Variants in SULT1E1 observed in about 807,000 individuals in gnomAD.
SULT1E1 encodes sulfotransferase family 1E member 1.
Under a neutral mutation model 33.6 loss-of-function variants are expected in SULT1E1, and 36 were observed. The observed-to-expected ratio is 1.07, with a 90% CI of 0.82 to 1.41. The LOEUF (loss-of-function observed/expected upper bound fraction) is 1.41, where lower values mean the gene tolerates loss of function less well. Among genes scored for constraint, SULT1E1 ranks in the 40% most tolerant of loss-of-function variants. The probability of loss-of-function intolerance (pLI) is 0.00; values close to 1 mark genes in which losing one functional copy is unlikely to be tolerated. For missense variants in SULT1E1, 371 were observed against 345.7 expected, an observed-to-expected ratio of 1.07 and a Z score of -0.58; for synonymous variants, 121 against 111.7, an observed-to-expected ratio of 1.08 and a Z score of -0.53.
At chr4:69,853,055 C>A (rs1243403639) in intron 4 of SULT1E1, among the ~76,000 whole-genome samples, 1 of 152,110 alleles carries the variant, frequency 6.6e-6, no homozygotes, top group Non-Finnish European at 1.5e-5. Context: ...ACTAACCTGG[C>A]AATCTTTGAT....
intron 1 of SULT1E1, among the ~76,000 whole-genome samples, chr4:69,858,841 T>C (rs1322368989): frequency 6.6e-6 from 1 of 152,122 alleles, no homozygotes; most frequent in East Asian, 1.9e-4. Flanking sequence ...TGCCTATTGG[T>C]TTGCTTACTC....
chr4:69,823,221 C>T, the SULT1E1 span, among the ~76,000 whole-genome samples: 2 of 152,146 alleles, frequency 1.3e-5, no homozygotes, highest in South Asian at 2.1e-4. Context: ...GACAAAGGCA[C>T]TTAATCAGGC....
chr4:69,849,556 T>C lies in SULT1E1; in HGVS notation c.377A>G (p.Tyr126Cys), dbSNP rs767962674. The change falls in exon 5 of 8, where the codon TAT becomes TGT. Residue 126 changes from tyrosine (Y) to cysteine (C), a missense_variant. Physicochemically the swap from Tyr to Cys is radical, Grantham distance 194 (BLOSUM62 -2). Transcript: ENST00000226444. ...SFWEKDCKIIYLCRNAKDVAV... is the reference protein window; with the variant it reads ...SFWEKDCKIICLCRNAKDVAV... ...CACATCCTTTGCATTCCGGCAAAGA[T>C]AGATTATCTAAGAGGATGAAATTGT... is the stretch of plus-strand genomic sequence containing the variant. 70 of 1,604,588 alleles carry C rather than the reference T, an allele frequency of 4.4e-5. No individual in the cohort carries two copies. Among genetic ancestry groups the C allele is most frequent in the Non-Finnish European group, 5.0e-5 (59 of 1,176,046 alleles).
At chr4:69,848,835 C>T (rs1721037727) in intron 5 of SULT1E1, among the ~76,000 whole-genome samples, 1 of 151,842 alleles carries the variant, frequency 6.6e-6, no homozygotes, top group Admixed American at 6.6e-5. Context: ...CTTTCTTCCT[C>T]AAATCTAAAC....
chr4:69,847,619 A>C, intron 6 of SULT1E1, 79 bp downstream of exon 6: 2 of 936,492 alleles, frequency 2.1e-6, no homozygotes, highest in Non-Finnish European at 3.2e-6. Context: ...ATTTAAAGGA[A>C]TATTTTTGTA....
chr4:69,857,479 A>T (rs370906585), intron 2 of SULT1E1, 21 bp downstream of exon 2: 33 of 1,581,216 alleles, frequency 2.1e-5, no homozygotes, highest in Non-Finnish European at 2.8e-5. Flanking sequence ...TAGGTGAAAA[A>T]AGAACAACAA....
the SULT1E1 span, among the ~76,000 whole-genome samples, chr4:69,823,576 C>G: frequency 1.3e-5 from 2 of 152,276 alleles, no homozygotes; most frequent in Non-Finnish European, 2.9e-5. Context: ...TCACTGCCAC[C>G]TGCTTTGTGG....
At chr4:69,837,510 T>C (rs1037856150), downstream of SULT1E1, among the ~76,000 whole-genome samples, 2 of 152,278 alleles carry the variant, frequency 1.3e-5, no homozygotes, top group East Asian at 1.9e-4. Flanking sequence ...TATAACTCTA[T>C]CTTCATATTT....
chr4:69,859,422 G>C (rs1024246493), intron 1 of SULT1E1, among the ~76,000 whole-genome samples: 9 of 152,018 alleles, frequency 5.9e-5, no homozygotes, highest in Non-Finnish European at 1.3e-4. Flanking sequence ...AGATTTACCT[G>C]TATGAGGGCA....
In SULT1E1 at chr4:69,844,303, C is replaced by T; in HGVS notation, c.630G>A (p.Leu210=). 2 of 1,613,444 alleles carry T rather than the reference C, an allele frequency of 1.2e-6. No individual in the cohort carries two copies. Among genetic ancestry groups the T allele is most frequent in the South Asian group, 2.2e-5 (2 of 90,954 alleles). ...RKEVIKLIHF[L]ERKPSEELVD... is the part of the protein sequence containing the mutation. ...CAAGCTCCTCTGATGGCTTCCTTTC[C>T]AGGAAATGTATCAATTTTATCACCT... is the stretch of plus-strand genomic sequence containing the variant. Residue 210 remains leucine, a synonymous_variant, in exon 7 of 8, where the codon CTG becomes CTA. Coordinates refer to ENST00000226444, the MANE Select transcript of SULT1E1 (RefSeq NM_005420.3).
the SULT1E1 span, among the ~76,000 whole-genome samples, chr4:69,830,074 T>C: frequency 2.0e-5 from 3 of 152,248 alleles, no homozygotes; most frequent in Middle Eastern, 0.01. Flanking sequence ...CCTTCCAGTG[T>C]CCTTTCCTTT....
downstream of SULT1E1, among the ~76,000 whole-genome samples, chr4:69,839,846 T>C (rs1049339643): frequency 5.3e-5 from 8 of 152,216 alleles, no homozygotes; most frequent in African/African-American, 1.7e-4. Context: ...CCAAAGAAGA[T>C]ACAGAAGTTT....
the SULT1E1 span, among the ~76,000 whole-genome samples, chr4:69,834,110 G>T: frequency 4.6e-5 from 7 of 151,908 alleles, no homozygotes; most frequent in Non-Finnish European, 1.0e-4. Flanking sequence ...CTACATATTG[G>T]TAATTATCCA....
the SULT1E1 span, among the ~76,000 whole-genome samples, chr4:69,822,667 T>C: frequency 1.3e-5 from 2 of 152,152 alleles, no homozygotes; most frequent in South Asian, 4.1e-4. Flanking sequence ...TTTGTTATGG[T>C]GTTTACTGTC....
At position 69,844,231 on chromosome 4, in the gene SULT1E1, A is replaced by C; in HGVS notation, c.702T>G (p.Asn234Lys). ...GCAGTGTTGTGTAATTTGTGGATGGATTGTTCTTCATCTCTTGGAACGAAG... is the reference window on the plus strand; with the variant it reads ...GCAGTGTTGTGTAATTTGTGGATGGCTTGTTCTTCATCTCTTGGAACGAAG... ...HHTSFQEMKN[N>K]PSTNYTTLPD... Residue 234 changes from asparagine (N) to lysine (K), a missense_variant, in exon 7 of 8, where the codon AAT becomes AAG. Physicochemically the swap from Asn to Lys is moderately conservative, Grantham distance 94 (BLOSUM62 0). Coordinates refer to ENST00000226444, the MANE Select transcript of SULT1E1 (RefSeq NM_005420.3). The C allele has an allele frequency of 6.2e-7, 1 of 1,613,900 alleles. No homozygotes were observed. The highest frequency in any genetic ancestry group is 2.2e-5 in the East Asian group (1 of 44,826).
the SULT1E1 span, among the ~76,000 whole-genome samples, chr4:69,827,366 C>T: frequency 2.0e-5 from 3 of 152,128 alleles, no homozygotes; most frequent in Admixed American, 6.5e-5. Context: ...TATGGATCCC[C>T]ACTGGGACCT....
chr4:69,837,432 T>G (rs1720812840), downstream of SULT1E1, among the ~76,000 whole-genome samples: 1 of 152,084 alleles, frequency 6.6e-6, no homozygotes, highest in African/African-American at 2.4e-5. Context: ...AAAAACATAT[T>G]AATCAATCAA....
intron 3 of SULT1E1, among the ~76,000 whole-genome samples, chr4:69,854,957 T>C (rs1721206256): frequency 6.6e-6 from 1 of 152,082 alleles, no homozygotes; most frequent in Non-Finnish European, 1.5e-5. Context: ...GAATCTGTGG[T>C]AAATATACTT....
chr4:69,841,957 C>A lies in SULT1E1; in HGVS notation c.*37G>T. 1 of 1,117,470 alleles carries A rather than the reference C, an allele frequency of 8.9e-7. No homozygotes were observed. The highest frequency in any genetic ancestry group is 1.6e-5 in the African/African-American group (1 of 62,662). The allele number at this position is 1,117,470 out of a possible 1,614,324, so 69.2% of individuals were successfully genotyped here. Reference sequence around the variant, plus strand: ...AAAGTGGAGAATAATGAAAAGAAATCTTTAATATCAGATATGTTAAGTAAA... The same window carrying A: ...AAAGTGGAGAATAATGAAAAGAAATATTTAATATCAGATATGTTAAGTAAA... On this transcript the variant is annotated 3_prime_UTR_variant, in exon 8 of 8. Transcript: ENST00000226444.
Sources: gnomAD v4.1 joint callset for allele counts (sites outside exome capture counted in the v4.1 genomes callset) on GRCh38, gnomAD v4.1.1 for gene constraint, MANE v1.5 for transcripts, NCBI Gene and HGNC (gene_info 2026-07-23, HGNC 2026-07-21) for gene names.